MREG: variants seen among roughly 807,000 people sequenced by gnomAD.
MREG encodes the protein dilute suppressor protein homolog.
Under a neutral mutation model 28.5 loss-of-function variants are expected in MREG, and 31 were observed. The ratio of observed to expected loss-of-function variants is 1.09; its 90% CI spans 0.82 to 1.47. MREG has a LOEUF of 1.47. Among genes scored for constraint, MREG ranks in the 40% most tolerant of loss-of-function variants. The pLI is 0.00. For missense variants in MREG, 256 were observed against 257.4 expected (o/e 0.99, Z 0.04); for synonymous variants, 106 against 95.2 (o/e 1.11, Z -0.66).
intron 3 of MREG, 113 bp from the exon 4 acceptor site, chr2:215,945,847 T>A: frequency 1.1e-6 from 1 of 893,316 alleles, no homozygotes; most frequent in Non-Finnish European, 1.7e-6. Flanking sequence ...TGTACAAGCA[T>A]AAAGCATCAG....
intron 2 of MREG, among the ~76,000 whole-genome samples, chr2:215,975,014 A>ATG (rs1366840893): frequency 7.0e-6 from 1 of 143,722 alleles, no homozygotes; most frequent in Non-Finnish European, 1.5e-5. Flanking sequence ...TGAATTATAT[A>ATG]TATATATATA....
intron 2 of MREG, among the ~76,000 whole-genome samples, chr2:215,976,339 T>C (rs903285524): frequency 6.6e-6 from 1 of 152,204 alleles, no homozygotes; most frequent in African/African-American, 2.4e-5. Flanking sequence ...TCCCTTGCTC[T>C]TAGCCCCATA....
chr2:216,006,944 A>G (rs1694170622), intron 1 of MREG, among the ~76,000 whole-genome samples: 1 of 152,198 alleles, frequency 6.6e-6, no homozygotes, highest in South Asian at 2.1e-4. Flanking sequence ...ATTCAGGGAA[A>G]GATTCAAACT....
intron 2 of MREG, among the ~76,000 whole-genome samples, chr2:215,993,786 T>A (rs181987673): frequency 6.6e-6 from 1 of 152,130 alleles, no homozygotes; most frequent in African/African-American, 2.4e-5. Flanking sequence ...AAGAAGACAT[T>A]TGTGCGGCCA....
At chr2:215,955,371 C>T (rs559892058) in intron 2 of MREG, among the ~76,000 whole-genome samples, 44 of 152,330 alleles carry the variant, frequency 2.9e-4, no homozygotes, top group African/African-American at 1.0e-3. Context: ...TTTCCAATAT[C>T]ACTGTTGAAA....
rs567218517 is a variant in MREG at position 216,008,486 on chromosome 2, C to G, written c.95+4747G>C. On this transcript the variant is annotated intron_variant, in intron 1 of 4. Transcript: ENST00000263268. ...TATGTGTGGCTCTCTCTTAAGCCAC[C>G]CAAGTGGACCATATAATGAGCTTCC... Among the ~76,000 whole-genome samples the G allele has an allele frequency of 2.0e-5, 3 of 152,264 alleles. No individual in the cohort carries two copies. The East Asian group carries it at 5.8e-4, about 29-fold the overall frequency.
At position 215,944,793 on chromosome 2, in the gene MREG, T is replaced by A; in HGVS notation, c.*70A>T. The A allele has an allele frequency of 6.8e-7, 1 of 1,459,908 alleles. No homozygotes were observed. The highest frequency in any genetic ancestry group is 1.4e-5 in the South Asian group (1 of 70,526). The allele number at this position is 1,459,908 out of a possible 1,614,324, so 90.4% of individuals were successfully genotyped here. ...CTATTTGCTCACTCTCTTCTACATG[T>A]AATTGTCCAACTTTGGTTGACTGCT... On this transcript the variant is annotated 3_prime_UTR_variant, in exon 5 of 5. Transcript: ENST00000263268.
chr2:215,949,087 CTAATAATAATAA>C (rs58773562), intron 2 of MREG, among the ~76,000 whole-genome samples: 1 of 124,602 alleles, frequency 8.0e-6, no homozygotes, highest in African/African-American at 3.1e-5. Flanking sequence ...ACTACTACTA[CTAATAATAATAA>C]TAATAATACA....
intron 1 of MREG, among the ~76,000 whole-genome samples, chr2:216,003,529 A>C (rs1392748079): frequency 6.6e-6 from 1 of 152,060 alleles, no homozygotes; most frequent in Non-Finnish European, 1.5e-5. Flanking sequence ...CATGCCTTTA[A>C]ACATCATCTA....
At chr2:216,001,885 T>C (rs1375267216) in intron 1 of MREG, among the ~76,000 whole-genome samples, 2 of 152,128 alleles carry the variant, frequency 1.3e-5, no homozygotes, top group African/African-American at 2.4e-5. Context: ...AGAAGCACCT[T>C]TGGAACCTCT....
At chr2:215,940,341 C>A (rs1218148632), downstream of MREG, among the ~76,000 whole-genome samples, 1 of 152,120 alleles carries the variant, frequency 6.6e-6, no homozygotes, top group Non-Finnish European at 1.5e-5. Context: ...CCCTTCACTG[C>A]AAAATATTTC....
chr2:215,989,505 C>T (rs1016970482), intron 2 of MREG, among the ~76,000 whole-genome samples: 2 of 152,082 alleles, frequency 1.3e-5, no homozygotes, highest in Non-Finnish European at 2.9e-5. Context: ...AGGATCACAA[C>T]TCTTTACCAG....
chr2:216,031,691 G>GAA (rs1473248845), intron 1 of MREG, among the ~76,000 whole-genome samples: 3,817 of 60,822 alleles, frequency 0.063, 120 homozygotes, highest in African/African-American at 0.17. Flanking sequence ...AAGAAAGAAA[G>GAA]AGAAAGAAAG....
intron 2 of MREG, among the ~76,000 whole-genome samples, chr2:215,955,283 C>G (rs1274785037): frequency 6.6e-6 from 1 of 151,928 alleles, no homozygotes; most frequent in Non-Finnish European, 1.5e-5. Flanking sequence ...TAGAAAATGC[C>G]CCCCCATATT....
chr2:216,002,470 T>C (rs1694042771), intron 1 of MREG, among the ~76,000 whole-genome samples: 2 of 152,212 alleles, frequency 1.3e-5, no homozygotes, highest in South Asian at 4.1e-4. Context: ...CCAGTGACTT[T>C]ACTGCTCTCC....
intron 2 of MREG, among the ~76,000 whole-genome samples, chr2:215,984,208 A>T (rs1693503585): frequency 6.6e-6 from 1 of 152,166 alleles, no homozygotes; most frequent in Admixed American, 6.5e-5. Context: ...CATGACACTT[A>T]TTCACTATCA....
chr2:215,939,683 T>C (rs1692173344), downstream of MREG: 1 of 152,242 alleles, frequency 6.6e-6, no homozygotes, highest in South Asian at 2.1e-4. Flanking sequence ...GACAGAAAAG[T>C]ATTCCTAGTA....
chr2:216,010,389 G>A (rs62183227), intron 1 of MREG, among the ~76,000 whole-genome samples: 24,738 of 126,340 alleles, frequency 0.2, 2,638 homozygotes, highest in Non-Finnish European at 0.25. Flanking sequence ...ACGGAGTCTC[G>A]CTCTGTCGCC....
intron 2 of MREG, among the ~76,000 whole-genome samples, chr2:215,985,557 T>G (rs1693546136): frequency 6.6e-6 from 1 of 152,228 alleles, no homozygotes; most frequent in Admixed American, 6.5e-5. Context: ...CCAAATGACT[T>G]TAAGCTAATG....
Sources: gnomAD v4.1 joint callset for allele counts (sites outside exome capture counted in the v4.1 genomes callset) on GRCh38, gnomAD v4.1.1 for gene constraint, MANE v1.5 for transcripts, NCBI Gene and HGNC (gene_info 2026-07-23, HGNC 2026-07-21) for gene names.